WTIP: variants seen among roughly 807,000 people sequenced by gnomAD.
WTIP encodes Wilms tumor protein 1-interacting protein.
Under a neutral mutation model 41.7 loss-of-function variants are expected in WTIP, and 23 were observed. That is an observed-to-expected ratio of 0.55 (90% confidence interval 0.40 to 0.78). The LOEUF (loss-of-function observed/expected upper bound fraction) is 0.78. Among genes scored for constraint, WTIP ranks in the 30% least tolerant of loss-of-function variants. WTIP has a pLI of 0.00. For missense variants in WTIP, 619 were observed against 610.5 expected, an observed-to-expected ratio of 1.01 and a Z score of -0.15; for synonymous variants, 314 against 269.9, an observed-to-expected ratio of 1.16 and a Z score of -1.60.
At position 34,500,392 on chromosome 19, in the gene WTIP, C is replaced by T; in HGVS notation, c.*123C>T. ...CAGTTTCCCACCGAGCTGCTGTCTGCAGGGGCCGGACCCCCGCGTGGAAGC... is the reference window on the plus strand; with the variant it reads ...CAGTTTCCCACCGAGCTGCTGTCTGTAGGGGCCGGACCCCCGCGTGGAAGC... On this transcript the variant is annotated 3_prime_UTR_variant, in exon 8 of 8. Coordinates refer to ENST00000590071, the MANE Select transcript of WTIP (RefSeq NM_001080436.2). 1 of 1,312,650 alleles carries T rather than the reference C, an allele frequency of 7.6e-7. No homozygotes were observed. Among genetic ancestry groups the T allele is most frequent in the South Asian group, 1.7e-5 (1 of 60,098 alleles). 81.3% of individuals were successfully genotyped at this position (1,312,650 alleles called of 1,614,324 possible).
chr19:34,490,749 GCAGCGT>G (rs2075821485), intron 2 of WTIP, among the ~76,000 whole-genome samples: 1 of 152,236 alleles, frequency 6.6e-6, no homozygotes, highest in African/African-American at 2.4e-5. Context: ...CTGCCTGGGA[GCAGCGT>G]CAGAAGCCCA....
In WTIP at chr19:34,500,539, G is replaced by A. The variant is rs1251781497; in HGVS notation, c.*270G>A. On this transcript the variant is annotated 3_prime_UTR_variant, in exon 8 of 8. Coordinates refer to ENST00000590071, the MANE Select transcript of WTIP (RefSeq NM_001080436.2). Reference sequence around the variant, plus strand: ...GTGCCCTGCAGCCTCAGGGTAGGCCGTGGGTCACCAGGCTGGAGAGGGCCC... The same window carrying A: ...GTGCCCTGCAGCCTCAGGGTAGGCCATGGGTCACCAGGCTGGAGAGGGCCC... 2.4e-6 allele frequency: 1 copy of A among 418,228 alleles called. No homozygotes were observed. The highest frequency in any genetic ancestry group is 4.2e-6 in the Non-Finnish European group (1 of 238,784). The allele number at this position is 418,228 out of a possible 1,614,324, so 25.9% of individuals were successfully genotyped here. A position where few individuals can be genotyped will look rare whatever the true frequency, so the allele number is the denominator to read the frequency against.
intron 1 of WTIP, among the ~76,000 whole-genome samples, 170 bp from the exon 2 acceptor site, chr19:34,490,206 G>A (rs1352379538): frequency 1.3e-5 from 2 of 152,190 alleles, no homozygotes; most frequent in East Asian, 1.9e-4. Context: ...TCCCTGGGTC[G>A]TGGCCACCCT....
intron 7 of WTIP, among the ~76,000 whole-genome samples, chr19:34,496,165 AT>A (rs36101588): frequency 1.3e-5 from 2 of 151,730 alleles, no homozygotes; most frequent in Admixed American, 1.3e-4. Flanking sequence ...CTCAAAAAAA[AT>A]TTTTTTTTAA....
rs12459347 is a variant in WTIP, at chr19:34,502,100, G to A, written c.*1831G>A. 4,428 of 152,080 alleles carry A rather than the reference G, an allele frequency of 0.029. 207 individuals carry two copies. Among genetic ancestry groups the A allele is most frequent in the Admixed American group, 0.13 (2,027 of 15,198 alleles). The allele number at this position is 152,080 out of a possible 1,614,324, so 9.4% of individuals were successfully genotyped here. On this transcript the variant is annotated 3_prime_UTR_variant, in exon 8 of 8. Coordinates refer to ENST00000590071, the MANE Select transcript of WTIP (RefSeq NM_001080436.2). ...CTCCCGAGTAGCTGGGACTACAGGC[G>A]CACGCCACCACGCCCGGCTAATTTT...
chr19:34,492,454 C>A (rs1265970700), intron 2 of WTIP, among the ~76,000 whole-genome samples: 1 of 150,384 alleles, frequency 6.6e-6, no homozygotes, highest in Non-Finnish European at 1.5e-5. Context: ...TGTGCCATTG[C>A]ACTCCAGCCT....
In WTIP at chr19:34,500,336, C is replaced by A; in HGVS notation, c.*67C>A. On this transcript the variant is annotated 3_prime_UTR_variant, in exon 8 of 8. Transcript: ENST00000590071. ...TGGAGGGAGGGCCCGCGTGGGTGGC[C>A]CTGGTCAGCGTCAGGGGAGCTCCCT... 1 of 1,467,936 alleles carries A rather than the reference C, an allele frequency of 6.8e-7. No individual in the cohort carries two copies. The highest frequency in any genetic ancestry group is 1.4e-5 in the African/African-American group (1 of 72,202). The allele number at this position is 1,467,936 out of a possible 1,614,324, so 90.9% of individuals were successfully genotyped here.
chr19:34,493,672 G>A lies in WTIP; in HGVS notation c.1031+50G>A, dbSNP rs773294762. On this transcript the variant is annotated intron_variant, in intron 5 of 7. Coordinates refer to ENST00000590071, the MANE Select transcript of WTIP (RefSeq NM_001080436.2). This position sits in a 1 kb window ranked among gnomAD's most constrained non-coding sequence, Gnocchi z 4.1. ...GGCGGGACTCGGGCCGTCCTCCCTG[G>A]CTCCTCTGGAAGCATTTTTTTCCTG... 2.5e-6 allele frequency: 4 copies of A among 1,608,364 alleles called. No homozygotes were observed. The highest frequency in any genetic ancestry group is 2.2e-5 in the East Asian group (1 of 44,792).
chr19:34,500,152 G>C lies in WTIP; in HGVS notation c.1176G>C (p.Gly392=). The change falls in exon 8 of 8, where the codon GGG becomes GGC. Residue 392 remains glycine (G), a synonymous_variant. Transcript: ENST00000590071. ...HCEDCGLQLS[G]EEGRRCYPLA... is the part of the protein sequence containing the mutation. ...AGGACTGCGGGCTGCAGCTGAGCGG[G>C]GAGGAGGGACGCCGTTGCTATCCCC... is the stretch of plus-strand genomic sequence containing the variant. 6.2e-7 allele frequency: 1 copy of C among 1,600,930 alleles called. No homozygotes were observed.
rs2075771946 is a variant in WTIP at position 34,482,348 on chromosome 19, G to A, written c.374G>A (p.Arg125His). The A allele has an allele frequency of 2.2e-6, 3 of 1,384,674 alleles. No individual in the cohort carries two copies. The highest frequency in any genetic ancestry group is 3.4e-5 in the East Asian group (1 of 29,336). 85.8% of individuals were successfully genotyped at this position (1,384,674 alleles called of 1,614,324 possible). Reference sequence around the variant, plus strand: ...CGCCACGGCAGCCCGCGCTCCGGTCGCTCGGACCCGCGTCCCGGTCCCGGG... The same window carrying A: ...CGCCACGGCAGCCCGCGCTCCGGTCACTCGGACCCGCGTCCCGGTCCCGGG... Reference protein sequence around the residue: ...DQRHGSPRSGRSDPRPGPGPP... With the variant: ...DQRHGSPRSGHSDPRPGPGPP... The change falls in exon 1 of 8, where the codon CGC becomes CAC. Residue 125 changes from arginine (R) to histidine (H), a missense_variant. Physicochemically the swap from Arg to His is conservative, Grantham distance 29. This residue lies in a region of WTIP where 363 missense variants were observed against 309.0 expected (regional missense o/e 1.17). Coordinates refer to ENST00000590071, the MANE Select transcript of WTIP (RefSeq NM_001080436.2).
intron 1 of WTIP, among the ~76,000 whole-genome samples, chr19:34,487,831 G>T (rs936197470): frequency 2.6e-5 from 4 of 152,248 alleles, no homozygotes; most frequent in Admixed American, 2.6e-4. Context: ...TGTGGCATGG[G>T]AGGCCCTGGG....
Position 34,482,191 on chromosome 19 carries a change from C to G in WTIP, c.217C>G (p.Pro73Ala), listed in dbSNP as rs958247591. ...CGGACTGAGCCGCGGGGAGCGGGGT[C>G]CCCGGCGCGCGGCGGTTCCGGAGCT... ...ADGLSRGERG[P>A]RRAAVPELSA... The change falls in exon 1 of 8, where the codon CCC becomes GCC. Residue 73 changes from proline to alanine, a missense_variant. Pro to Ala is a conservative substitution (Grantham distance 27). This residue lies in a region of WTIP where 363 missense variants were observed against 309.0 expected (regional missense o/e 1.17). Transcript: ENST00000590071. 3.6e-5 allele frequency: 40 copies of G among 1,106,476 alleles called. No homozygotes were observed. The highest frequency in any genetic ancestry group is 4.3e-5 in the Non-Finnish European group (39 of 910,382). 68.5% of individuals were successfully genotyped at this position (1,106,476 alleles called of 1,614,324 possible).
intron 1 of WTIP, among the ~76,000 whole-genome samples, chr19:34,486,368 GT>G (rs958334274): frequency 1.4e-3 from 186 of 131,984 alleles, no homozygotes; most frequent in Non-Finnish European, 1.5e-3. Context: ...TTGTCAGTTT[GT>G]TTTTTTTTTT....
chr19:34,488,924 G>A (rs2075811460), intron 1 of WTIP, among the ~76,000 whole-genome samples: 2 of 140,964 alleles, frequency 1.4e-5, no homozygotes, highest in Non-Finnish European at 3.1e-5. Context: ...AAGGCCGGGA[G>A]CAGTGGCTCA....
chr19:34,484,464 C>T (rs1022571613), intron 1 of WTIP, among the ~76,000 whole-genome samples: 1 of 152,026 alleles, frequency 6.6e-6, no homozygotes, highest in African/African-American at 2.4e-5. Flanking sequence ...GACTCTGTGG[C>T]TGGGCAGGTC....
Position 34,503,683 on chromosome 19 carries a change from G to A in WTIP, c.*3414G>A. The A allele has an allele frequency of 6.5e-6, 1 of 152,860 alleles. No individual in the cohort carries two copies. The highest frequency in any genetic ancestry group is 1.5e-5 in the Non-Finnish European group (1 of 68,474). 9.5% of individuals were successfully genotyped at this position (152,860 alleles called of 1,614,324 possible). A position where few individuals can be genotyped will look rare whatever the true frequency, so the allele number is the denominator to read the frequency against. On this transcript the variant is annotated 3_prime_UTR_variant, in exon 8 of 8. Transcript: ENST00000590071. ...CTGCCATCCCTGTCCCCGCTATGCGGTGAGCTCTTCAGCTTGGGCCCGCCT... is the reference window on the plus strand; with the variant it reads ...CTGCCATCCCTGTCCCCGCTATGCGATGAGCTCTTCAGCTTGGGCCCGCCT...
At chr19:34,490,274 T>G in intron 1 of WTIP, 102 bp from the exon 2 acceptor site, 1 of 1,063,494 alleles carries the variant, frequency 9.4e-7, no homozygotes, top group Non-Finnish European at 1.4e-6. Context: ...AAAGTTAGCA[T>G]CCCCCAGGTC....
rs1359392537 is a variant in WTIP at position 34,505,563 on chromosome 19, C to G, written c.*5294C>G. ...CCCACCTGTGCCTCCCCCCACCTGCCACGCCCATTGTCCTACACCCAGCGC... is the reference window on the plus strand; with the variant it reads ...CCCACCTGTGCCTCCCCCCACCTGCGACGCCCATTGTCCTACACCCAGCGC... On this transcript the variant is annotated 3_prime_UTR_variant, in exon 8 of 8. Coordinates refer to ENST00000590071, the MANE Select transcript of WTIP (RefSeq NM_001080436.2). 2 of 152,690 alleles carry G rather than the reference C, an allele frequency of 1.3e-5. No individual in the cohort carries two copies. The highest frequency in any genetic ancestry group is 4.8e-5 in the African/African-American group (2 of 41,568). The allele number at this position is 152,690 out of a possible 1,614,324, so 9.5% of individuals were successfully genotyped here.
intron 1 of WTIP, among the ~76,000 whole-genome samples, chr19:34,487,085 A>T (rs1462830530): frequency 6.9e-6 from 1 of 144,990 alleles, no homozygotes; most frequent in Non-Finnish European, 1.5e-5. Context: ...TGAGCCACCA[A>T]GCCCAGTCCC....
Sources: gnomAD v4.1 joint callset for allele counts (sites outside exome capture counted in the v4.1 genomes callset) on GRCh38, gnomAD v4.1.1 for gene constraint, gnomAD v4.1.1 regional missense constraint, Gnocchi (gnomAD v3.1) non-coding constraint, MANE v1.5 for transcripts, NCBI Gene and HGNC (gene_info 2026-07-23, HGNC 2026-07-21) for gene names.